Variants in MSTO1 observed in about 807,000 individuals in gnomAD.
The protein encoded by MSTO1 is misato mitochondrial distribution and morphology regulator 1.
MSTO1 carries 24 observed loss-of-function variants against 55.7 expected under a neutral mutation model. The observed-to-expected ratio is 0.43, with a 90% confidence interval of 0.31 to 0.61. MSTO1 has a LOEUF of 0.61. Among genes scored for constraint, MSTO1 ranks in the 20% least tolerant of loss-of-function variants. The probability of loss-of-function intolerance (pLI) is 0.09; values close to 1 mark genes in which losing one functional copy is unlikely to be tolerated. For synonymous variants in MSTO1, 162 were observed against 252.8 expected (o/e 0.64, Z 3.41); for missense variants, 363 against 625.7 (o/e 0.58, Z 4.48).
At chr1:155,574,353 GAA>G in the MSTO1 span, among the ~76,000 whole-genome samples, 2 of 151,996 alleles carry the variant, frequency 1.3e-5, no homozygotes, top group African/African-American at 4.8e-5. Flanking sequence ...CTCAAAAAAA[GAA>G]AAAGACATAG....
the MSTO1 span, among the ~76,000 whole-genome samples, chr1:155,566,497 A>G: frequency 6.6e-6 from 1 of 152,110 alleles, no homozygotes; most frequent in Non-Finnish European, 1.5e-5. Flanking sequence ...TAGCCAGGCC[A>G]TGGTGGCATG....
the MSTO1 span, among the ~76,000 whole-genome samples, chr1:155,596,000 G>A: frequency 2.6e-5 from 4 of 152,052 alleles, no homozygotes; most frequent in Admixed American, 6.6e-5. Context: ...GCTGCCTCTC[G>A]TAAATGAAAT....
chr1:155,608,953 A>T (rs911009168), upstream of MSTO1, among the ~76,000 whole-genome samples: 1 of 146,276 alleles, frequency 6.8e-6, no homozygotes, highest in Non-Finnish European at 1.5e-5. Context: ...CCTCCTGAGC[A>T]GCTGGGAGTA....
At chr1:155,603,921 T>C in the MSTO1 span, among the ~76,000 whole-genome samples, 1 of 152,150 alleles carries the variant, frequency 6.6e-6, no homozygotes, top group African/African-American at 2.4e-5. Flanking sequence ...TTCTTTTACA[T>C]TCACATAATA....
At chr1:155,607,347 G>A (rs1672952559), upstream of MSTO1, among the ~76,000 whole-genome samples, 1 of 150,280 alleles carries the variant, frequency 6.7e-6, no homozygotes, top group Non-Finnish European at 1.5e-5. Flanking sequence ...GATAATTTTT[G>A]TATTTTTAGT....
Position 155,613,913 on chromosome 1 carries a change from A to G in MSTO1, c.1499-146A>G, listed in dbSNP as rs1675043308. On this transcript the variant is annotated intron_variant, in intron 13 of 13. Coordinates refer to ENST00000245564, the MANE Select transcript of MSTO1 (RefSeq NM_018116.4). ...CCCAAGAAAAGCATTCTTCCTCTGGAGTACTGGTGTACTAAGGGGACAATA... is the reference window on the plus strand; with the variant it reads ...CCCAAGAAAAGCATTCTTCCTCTGGGGTACTGGTGTACTAAGGGGACAATA... 7 of 697,042 alleles carry G rather than the reference A, an allele frequency of 1.0e-5. No homozygotes were observed. The South Asian group carries it at 1.3e-4, about 13-fold the overall frequency. The allele number at this position is 697,042 out of a possible 1,614,324, so 43.2% of individuals were successfully genotyped here. A position where few individuals can be genotyped will look rare whatever the true frequency, so the allele number is the denominator to read the frequency against.
the MSTO1 span, among the ~76,000 whole-genome samples, chr1:155,566,716 A>AGCAATTCTCCTGC: frequency 2.3e-3 from 347 of 152,080 alleles, 1 homozygote; most frequent in African/African-American, 7.7e-3. Context: ...CCCGGGTTCA[A>AGCAATTCTCCTGC]GCAATTCTCC....
upstream of MSTO1, among the ~76,000 whole-genome samples, chr1:155,608,022 TA>T (rs2148976247): frequency 6.6e-6 from 1 of 152,130 alleles, no homozygotes; most frequent in South Asian, 2.1e-4. Context: ...AAACTAAATA[TA>T]ATACATGTGA....
chr1:155,570,917 T>C, the MSTO1 span, among the ~76,000 whole-genome samples: 1 of 152,216 alleles, frequency 6.6e-6, no homozygotes, highest in African/African-American at 2.4e-5. Context: ...GCAGAAGAGC[T>C]AATGCAGCTT....
chr1:155,612,176 G>A lies in MSTO1; in HGVS notation c.679-6G>A, dbSNP rs114719996. 6,191 of 1,613,790 alleles carry A rather than the reference G, an allele frequency of 3.8e-3. 208 individuals are homozygous for A. In the African/African-American group the frequency reaches 0.072, roughly 19 times the overall value. ...TAACTATCTTTTGTCACTCACCCCC[G>A]TCCAGGGCTTCCAGATCCTGTGTGA... On this transcript the variant is annotated splice_polypyrimidine_tract_variant and splice_region_variant and intron_variant, in intron 7 of 13. Transcript: ENST00000245564.
the MSTO1 span, among the ~76,000 whole-genome samples, chr1:155,588,851 C>T: frequency 6.6e-6 from 1 of 152,210 alleles, no homozygotes; most frequent in Admixed American, 6.5e-5. Context: ...AAAAGGAGCC[C>T]TTCCTCCTAT....
the MSTO1 span, among the ~76,000 whole-genome samples, chr1:155,564,910 A>G: frequency 1.3e-5 from 2 of 152,130 alleles, no homozygotes; most frequent in African/African-American, 4.8e-5. Flanking sequence ...TCACGAGGTC[A>G]CAAGTTCAAG....
chr1:155,607,432 C>T (rs1347340329), upstream of MSTO1, among the ~76,000 whole-genome samples: 2 of 152,206 alleles, frequency 1.3e-5, no homozygotes, highest in East Asian at 3.8e-4. Flanking sequence ...CCTCGGCCTC[C>T]CAAAGTGCTA....
At chr1:155,587,935 G>A in the MSTO1 span, among the ~76,000 whole-genome samples, 2 of 151,912 alleles carry the variant, frequency 1.3e-5, no homozygotes, top group African/African-American at 4.8e-5. Context: ...GGTGGGCGCG[G>A]TGGCTCACAC....
At chr1:155,602,173 C>A in the MSTO1 span, 1 of 701,176 alleles carries the variant, frequency 1.4e-6, no homozygotes, top group South Asian at 1.4e-5. Context: ...TGAAGAATTT[C>A]AAAACTACAA....
At chr1:155,584,874 AG>A in the MSTO1 span, among the ~76,000 whole-genome samples, 1 of 151,114 alleles carries the variant, frequency 6.6e-6, no homozygotes, top group Non-Finnish European at 1.5e-5. Flanking sequence ...CTATGTGGCT[AG>A]GACTACAGGC....
the MSTO1 span, among the ~76,000 whole-genome samples, chr1:155,600,303 A>G: frequency 6.6e-6 from 1 of 152,244 alleles, no homozygotes; most frequent in Admixed American, 6.5e-5. Flanking sequence ...AACAAAGCAC[A>G]TCTTGCACAG....
chr1:155,610,044 A>G (rs993415179), upstream of MSTO1, among the ~76,000 whole-genome samples: 3,109 of 152,066 alleles, frequency 0.02, 101 homozygotes, highest in African/African-American at 0.071. Flanking sequence ...CCCGCCCCTC[A>G]CAGGCAACCA....
chr1:155,608,171 T>A (rs1019459767), upstream of MSTO1, among the ~76,000 whole-genome samples: 7 of 152,318 alleles, frequency 4.6e-5, no homozygotes, highest in Non-Finnish European at 8.8e-5. Context: ...ATTTTGTCAC[T>A]TTTTAAAATT....
Sources: gnomAD v4.1 joint callset for allele counts (sites outside exome capture counted in the v4.1 genomes callset) on GRCh38, gnomAD v4.1.1 for gene constraint, MANE v1.5 for transcripts, NCBI Gene and HGNC (gene_info 2026-07-23, HGNC 2026-07-21) for gene names.